Variants in KPRP observed in about 807,000 individuals in gnomAD.
The protein encoded by KPRP is keratinocyte proline rich protein, also known as keratinocyte proline-rich protein.
For missense variants in KPRP, 820 were observed against 746.4 expected (o/e 1.10, Z -1.15); for synonymous variants, 282 against 276.9 (o/e 1.02, Z -0.18).
At chr1:152,760,724 T>G in exon 1 of KPRP, 2 of 1,613,928 alleles carry the variant, frequency 1.2e-6, no homozygotes, top group Non-Finnish European at 1.7e-6. Context: ...CCACGTCCAC[T>G]CCCAAGCTTC....
chr1:152,759,570 G>T, exon 1 of KPRP: 1 of 1,607,818 alleles, frequency 6.2e-7, no homozygotes, highest in Non-Finnish European at 8.5e-7. Flanking sequence ...GGTCACTCTT[G>T]ACTGGCTGCA....
chr1:152,760,600 G>C (rs745946948), exon 1 of KPRP: 7 of 1,608,928 alleles, frequency 4.4e-6, no homozygotes, highest in Non-Finnish European at 5.9e-6. Context: ...CCCCAGGCAG[G>C]TTCCCCCACA....
At chr1:152,758,461 C>T (rs1651008329), upstream of KPRP, among the ~76,000 whole-genome samples, 1 of 152,142 alleles carries the variant, frequency 6.6e-6, no homozygotes, top group African/African-American at 2.4e-5. Context: ...TCATCAGGAG[C>T]ATTTGGGGAG....
exon 1 of KPRP, chr1:152,760,128 CCAG>C (rs1200423550): frequency 6.2e-7 from 1 of 1,614,178 alleles, no homozygotes; most frequent in African/African-American, 1.3e-5. Context: ...GATTCTCCAC[CCAG>C]TGCCAGTATC....
At chr1:152,760,509 T>G in exon 1 of KPRP, 1 of 1,612,886 alleles carries the variant, frequency 6.2e-7, no homozygotes, top group South Asian at 1.1e-5. Context: ...TATATAACAG[T>G]CGCTGTCCTC....
At chr1:152,760,609 C>A in exon 1 of KPRP, 1 of 1,609,096 alleles carries the variant, frequency 6.2e-7, no homozygotes, top group Non-Finnish European at 8.5e-7. Context: ...GGTTCCCCCA[C>A]AGAGGTGTCC....
At chr1:152,760,161 T>C (rs1296206975) in exon 1 of KPRP, 1 of 1,614,144 alleles carries the variant, frequency 6.2e-7, no homozygotes, top group Non-Finnish European at 8.5e-7. Flanking sequence ...ATAGCAGTTG[T>C]GGCCCCCAGT....
At chr1:152,761,045 C>A (rs780395476) in exon 1 of KPRP, 1 of 1,613,708 alleles carries the variant, frequency 6.2e-7, no homozygotes, top group Non-Finnish European at 8.5e-7. Context: ...GCGCCCTGCC[C>A]AAGCCCGGAG....
chr1:152,759,774 G>A (rs779189083), exon 1 of KPRP: 18 of 1,614,026 alleles, frequency 1.1e-5, no homozygotes, highest in Admixed American at 1.7e-5. Flanking sequence ...TGTCAGACCA[G>A]GCTCCATGCC....
At chr1:152,760,976 G>A in exon 1 of KPRP, 2 of 1,612,018 alleles carry the variant, frequency 1.2e-6, no homozygotes, top group East Asian at 2.2e-5. Context: ...CCACGTCCAT[G>A]CCTGCAGCCC....
exon 1 of KPRP, chr1:152,761,497 G>A (rs1456911630): frequency 3.8e-6 from 5 of 1,303,054 alleles, no homozygotes; most frequent in Non-Finnish European, 5.1e-6. Context: ...TCCACACCTG[G>A]GTCTCAGATG....
Position 152,759,924 on chromosome 1 carries a change from A to C in KPRP, c.336A>C (p.Pro112=), listed in dbSNP as rs758551248. The C allele has an allele frequency of 3.1e-6, 5 of 1,614,222 alleles. No individual in the cohort carries two copies. The South Asian group carries it at 4.4e-5, about 14-fold the overall frequency. Reference sequence around the variant, plus strand: ...CTTCCTCTGTTCAAAGCCAGGCTCCATGCCAATCTGAGGTGTCCTACGTGC... The same window carrying C: ...CTTCCTCTGTTCAAAGCCAGGCTCCCTGCCAATCTGAGGTGTCCTACGTGC... Residue 112 remains proline, a synonymous_variant, in exon 1 of 1, where the codon CCA becomes CCC. Transcript: ENST00000606109.
chr1:152,761,405 CTT>C, exon 1 of KPRP: 1 of 1,513,894 alleles, frequency 6.6e-7, no homozygotes, highest in East Asian at 2.3e-5. Context: ...CCAGTACGCT[CTT>C]GTTTGAATCT....
exon 1 of KPRP, chr1:152,759,749 T>C (rs1225269702): frequency 6.2e-7 from 1 of 1,614,034 alleles, no homozygotes; most frequent in Admixed American, 1.7e-5. Context: ...TCATGCCCAG[T>C]TCAAGTTTGC....
chr1:152,758,573 G>A (rs111664587), upstream of KPRP, among the ~76,000 whole-genome samples: 1 of 152,188 alleles, frequency 6.6e-6, no homozygotes, highest in African/African-American at 2.4e-5. Flanking sequence ...GACACAAGCA[G>A]ACGAGTGAGG....
At chr1:152,760,987 T>C (rs543999310) in exon 1 of KPRP, 6 of 1,612,098 alleles carry the variant, frequency 3.7e-6, no homozygotes, top group Non-Finnish European at 5.1e-6. Context: ...CCTGCAGCCC[T>C]GTGAGCACCC....
exon 1 of KPRP, chr1:152,760,886 A>G (rs773777556): frequency 3.0e-5 from 49 of 1,614,016 alleles, no homozygotes; most frequent in Non-Finnish European, 1.6e-5. Flanking sequence ...CCTTGTTTGT[A>G]TCCAGAACCA....
Position 152,760,777 on chromosome 1 carries a change from C to T in KPRP, c.1189C>T (p.Gln397Ter). 1 of 1,614,208 alleles carries T rather than the reference C, an allele frequency of 6.2e-7. No homozygotes were observed. Among genetic ancestry groups the T allele is most frequent in the Non-Finnish European group, 8.5e-7 (1 of 1,180,052 alleles). The stretch of plus-strand genomic sequence containing the variant: ...TGACCAGTGTCCAGAGTCACCACTG[C>T]AGCGATGTCCACCTCCTGCTCCACG... The change falls in exon 1 of 1, where the codon CAG (glutamine) becomes TAG (stop). Residue 397 changes from glutamine to a stop codon, truncating the protein, a stop_gained. Coordinates refer to ENST00000606109, the Ensembl canonical transcript of KPRP. LOFTEE classifies it low-confidence loss of function (END_TRUNC).
upstream of KPRP, among the ~76,000 whole-genome samples, chr1:152,758,123 C>A (rs1223784342): frequency 6.6e-6 from 1 of 152,166 alleles, no homozygotes; most frequent in Non-Finnish European, 1.5e-5. Flanking sequence ...AGCCCAGGTT[C>A]ACAGTCGTGA....
Sources: allele counts gnomAD v4.1 joint callset (sites outside exome capture counted in the v4.1 genomes callset), GRCh38; gene constraint gnomAD v4.1.1; transcripts MANE v1.5; gene names NCBI Gene and HGNC (gene_info 2026-07-23, HGNC 2026-07-21).